VSIG10: variants seen among roughly 807,000 people sequenced by gnomAD.
The protein encoded by VSIG10 is V-set and immunoglobulin domain containing 10.
A neutral mutation model predicts 58.7 loss-of-function variants in VSIG10; 48 were observed. The ratio of observed to expected loss-of-function variants is 0.82; its 90% CI spans 0.65 to 1.04. The LOEUF is 1.04. VSIG10 is among the 50% of genes least tolerant of loss of function. The pLI is 0.00. For missense variants in VSIG10, 628 were observed against 670.0 expected (o/e 0.94, Z 0.69); for synonymous variants, 260 against 267.1 (o/e 0.97, Z 0.26).
intron 1 of VSIG10, among the ~76,000 whole-genome samples, chr12:118,096,745 C>A (rs987245433): frequency 1.4e-5 from 2 of 145,268 alleles, no homozygotes; most frequent in Non-Finnish European, 3.0e-5. Flanking sequence ...GATGCAATAA[C>A]ACATACAGAG....
At chr12:118,077,704 G>A (rs1231725331) in intron 4 of VSIG10, among the ~76,000 whole-genome samples, 1 of 152,158 alleles carries the variant, frequency 6.6e-6, no homozygotes, top group Non-Finnish European at 1.5e-5. Context: ...CTCCATTTTG[G>A]ATCATTTGCT....
intron 3 of VSIG10, 146 bp from the exon 4 acceptor site, chr12:118,079,752 A>T: frequency 1.7e-6 from 2 of 1,156,904 alleles, no homozygotes; most frequent in South Asian, 3.1e-5. Context: ...GCACAAATTC[A>T]TGCCTGACAA....
rs377153797 is a variant in VSIG10 at position 118,095,712 on chromosome 12, G to A, written c.182C>T (p.Ser61Leu). Residue 61 changes from serine to leucine, a missense_variant, in exon 2 of 9, where the codon TCG (serine) becomes TTG (leucine). Ser to Leu is a moderately radical substitution (Grantham distance 145). Coordinates refer to ENST00000359236, the MANE Select transcript of VSIG10 (RefSeq NM_019086.6). Reference protein sequence around the residue: ...RGQVTWYRNNSEPVFLLSSNS... With the variant: ...RGQVTWYRNNLEPVFLLSSNS... Reference sequence around the variant, plus strand: ...GGACGAGAGAAGGAAGACAGGCTCCGAGTTGTTCCGGTACCAGGTCACCTG... The same window carrying A: ...GGACGAGAGAAGGAAGACAGGCTCCAAGTTGTTCCGGTACCAGGTCACCTG... 3.2e-5 allele frequency: 51 copies of A among 1,613,854 alleles called. No individual in the cohort carries two copies. The East Asian group carries it at 3.6e-4, about 11-fold the overall frequency.
chr12:118,068,188 A>ATT (rs1274596421), intron 8 of VSIG10, among the ~76,000 whole-genome samples, 189 bp downstream of exon 8: 3 of 104,522 alleles, frequency 2.9e-5, no homozygotes, highest in East Asian at 2.7e-4. Context: ...TGACCGGCTA[A>ATT]TTTTTCTTTT....
chr12:118,063,710 T>C lies in VSIG10; in HGVS notation c.*2929A>G, dbSNP rs1346876769. The C allele has an allele frequency of 6.6e-6, 1 of 152,206 alleles. No individual in the cohort carries two copies. The highest frequency in any genetic ancestry group is 6.5e-5 in the Admixed American group (1 of 15,284). The allele number at this position is 152,206 out of a possible 1,614,324, so 9.4% of individuals were successfully genotyped here. ...AAAATGTAAATAATGGAGAAGGAGC[T>C]GCTTATTTTTCTTTGCAGCAGTTCC... On this transcript the variant is annotated 3_prime_UTR_variant, in exon 9 of 9. Transcript: ENST00000359236.
intron 4 of VSIG10, 150 bp from the exon 5 acceptor site, chr12:118,074,142 G>T: frequency 1.1e-6 from 1 of 906,418 alleles, no homozygotes. Flanking sequence ...GAGTGCAGTG[G>T]TGCGATCTCA....
chr12:118,097,855 G>A (rs1198334528), intron 1 of VSIG10, among the ~76,000 whole-genome samples: 3 of 151,116 alleles, frequency 2.0e-5, no homozygotes, highest in African/African-American at 7.3e-5. Flanking sequence ...CCCGGGAGGC[G>A]GAGGTTGCAG....
chr12:118,091,397 C>T (rs1293838470), intron 2 of VSIG10, among the ~76,000 whole-genome samples: 1 of 150,990 alleles, frequency 6.6e-6, no homozygotes, highest in Non-Finnish European at 1.5e-5. Context: ...GAGGCTGAGG[C>T]AGGAGAATGG....
At chr12:118,068,194 C>CTTTTTTTTTTTT (rs71069404) in intron 8 of VSIG10, among the ~76,000 whole-genome samples, 183 bp downstream of exon 8, 1 of 100,296 alleles carries the variant, frequency 1.0e-5, no homozygotes. Context: ...GCTAATTTTT[C>CTTTTTTTTTTTT]TTTTTTTTTT....
intron 4 of VSIG10, among the ~76,000 whole-genome samples, chr12:118,074,876 C>T (rs889023098): frequency 8.5e-5 from 13 of 152,158 alleles, no homozygotes; most frequent in Admixed American, 2.6e-4. Flanking sequence ...AGTCGTGTGA[C>T]GAAATCTCAC....
At chr12:118,096,849 G>A (rs1480387814) in intron 1 of VSIG10, among the ~76,000 whole-genome samples, 2 of 151,816 alleles carry the variant, frequency 1.3e-5, no homozygotes, top group East Asian at 4.0e-4. Context: ...GACCAGCCTG[G>A]CCAACATGAC....
chr12:118,093,289 A>T (rs889265294), intron 2 of VSIG10, among the ~76,000 whole-genome samples: 11 of 150,440 alleles, frequency 7.3e-5, no homozygotes, highest in Non-Finnish European at 1.2e-4. Context: ...ACAGAGTGAG[A>T]CTCCATCTCA....
intron 2 of VSIG10, among the ~76,000 whole-genome samples, chr12:118,091,491 CAAAAAAA>C (rs34366147): frequency 9.3e-6 from 1 of 107,096 alleles, no homozygotes; most frequent in East Asian, 2.6e-4. Context: ...GACTCTGTCT[CAAAAAAA>C]AAAAAAAAAA....
intron 8 of VSIG10, 124 bp downstream of exon 8, chr12:118,068,253 T>C: frequency 2.5e-6 from 2 of 813,874 alleles, no homozygotes; most frequent in Non-Finnish European, 3.8e-6. Flanking sequence ...CAGGCTAGTC[T>C]TGAACTTCTG....
At chr12:118,084,942 C>G (rs2033074710) in intron 2 of VSIG10, among the ~76,000 whole-genome samples, 1 of 152,146 alleles carries the variant, frequency 6.6e-6, no homozygotes, top group Non-Finnish European at 1.5e-5. Context: ...TGGTGTGAAC[C>G]CGGGAGGCGG....
Position 118,066,245 on chromosome 12 carries a change from CAAAAA to C in VSIG10, c.*389_*393del, listed in dbSNP as rs35019751. 1.3e-3 allele frequency: 54 copies of C among 40,186 alleles called. No individual in the cohort carries two copies. The highest frequency in any genetic ancestry group is 0.018 in the Middle Eastern group (1 of 56). The allele number at this position is 40,186 out of a possible 1,614,324, so 2.5% of individuals were successfully genotyped here. Reference sequence around the variant, plus strand: ...TGGGCAATAGAGGGAGACTCCGTCTCAAAAAAAAAAAAAAAAAAAAAAAAAAGCGG... The same window carrying C: ...TGGGCAATAGAGGGAGACTCCGTCTCAAAAAAAAAAAAAAAAAAAAAGCGG... On this transcript the variant is annotated 3_prime_UTR_variant, in exon 9 of 9. Coordinates refer to ENST00000359236, the MANE Select transcript of VSIG10 (RefSeq NM_019086.6).
At chr12:118,074,787 A>G (rs1172847469) in intron 4 of VSIG10, among the ~76,000 whole-genome samples, 2 of 152,064 alleles carry the variant, frequency 1.3e-5, no homozygotes, top group East Asian at 3.9e-4. Flanking sequence ...CCAATTCATA[A>G]ATTTTTTATT....
At position 118,093,203 on chromosome 12, in the gene VSIG10, G is replaced by A. The variant is rs2033349739; in HGVS notation, c.361+2330C>T. 3.3e-5 allele frequency among the ~76,000 whole-genome samples: 5 copies of A among 151,392 alleles called. No individual in the cohort carries two copies. The South Asian group carries it at 1.0e-3, about 32-fold the overall frequency. Reference sequence around the variant, plus strand: ...AGTCCCAGCTACTTGGGAGGCTGAGGCAGGAGAATGGCATCAACCCGGGAG... The same window carrying A: ...AGTCCCAGCTACTTGGGAGGCTGAGACAGGAGAATGGCATCAACCCGGGAG... On this transcript the variant is annotated intron_variant, in intron 2 of 8. Transcript: ENST00000359236.
At chr12:118,102,699 C>G (rs929072577) in intron 1 of VSIG10, 1 of 152,074 alleles carries the variant, frequency 6.6e-6, no homozygotes, top group African/African-American at 2.4e-5. Flanking sequence ...CAGAAACGTG[C>G]AAGAGGAGAC....
Sources: gnomAD v4.1 joint callset for allele counts (sites outside exome capture counted in the v4.1 genomes callset) on GRCh38, gnomAD v4.1.1 for gene constraint, MANE v1.5 for transcripts, NCBI Gene and HGNC (gene_info 2026-07-23, HGNC 2026-07-21) for gene names.